TENM3: variants seen among roughly 807,000 people sequenced by gnomAD.
TENM3 encodes teneurin-3.
TENM3 carries 63 observed loss-of-function variants against 255.1 expected under a neutral mutation model. That is an observed-to-expected ratio of 0.25 (90% confidence interval 0.20 to 0.30). TENM3 has a LOEUF of 0.30. TENM3 is among the 10% of genes least tolerant of loss of function. The pLI is 1.00. For missense variants in TENM3, 2,929 were observed against 3,461.1 expected, an observed-to-expected ratio of 0.85 and a Z score of 3.86; for synonymous variants, 1,306 against 1,322.3, an observed-to-expected ratio of 0.99 and a Z score of 0.27.
the TENM3 span, among the ~76,000 whole-genome samples, chr4:182,051,598 C>T: frequency 6.6e-6 from 1 of 151,962 alleles, no homozygotes; most frequent in Non-Finnish European, 1.5e-5. Context: ...AAGATGGTCT[C>T]GATCTCCTGA....
At chr4:181,549,600 T>C in the TENM3 span, among the ~76,000 whole-genome samples, 2 of 152,204 alleles carry the variant, frequency 1.3e-5, no homozygotes, top group African/African-American at 4.8e-5. Context: ...ATGGATCATA[T>C]GGTATATTCT....
the TENM3 span, among the ~76,000 whole-genome samples, chr4:181,767,070 G>A: frequency 2.3e-5 from 3 of 128,016 alleles, no homozygotes; most frequent in Admixed American, 9.4e-5. Flanking sequence ...GGCTAACAAG[G>A]GGAAATCCCG....
chr4:182,412,748 G>T (rs138196036), intron 3 of TENM3, among the ~76,000 whole-genome samples: 1 of 151,338 alleles, frequency 6.6e-6, no homozygotes. Flanking sequence ...ACCTGTAGTC[G>T]CAGCTACTCG....
the TENM3 span, among the ~76,000 whole-genome samples, chr4:181,561,225 A>T: frequency 6.6e-6 from 1 of 152,194 alleles, no homozygotes; most frequent in Non-Finnish European, 1.5e-5. Context: ...AAGTGTTGGG[A>T]TTACAGGTGT....
At chr4:182,049,968 TA>T in the TENM3 span, among the ~76,000 whole-genome samples, 4 of 150,046 alleles carry the variant, frequency 2.7e-5, no homozygotes, top group Non-Finnish European at 5.9e-5. Context: ...AGGGCACGTT[TA>T]AAAAATATGT....
chr4:181,628,119 G>T, the TENM3 span, among the ~76,000 whole-genome samples: 1 of 152,132 alleles, frequency 6.6e-6, no homozygotes, highest in African/African-American at 2.4e-5. Flanking sequence ...GTGTCTTTTG[G>T]CTGCATAAAT....
At chr4:182,003,674 G>A in the TENM3 span, among the ~76,000 whole-genome samples, 1 of 152,000 alleles carries the variant, frequency 6.6e-6, no homozygotes, top group Non-Finnish European at 1.5e-5. Flanking sequence ...ACTGACAAGG[G>A]AAATTATATC....
Position 182,789,396 on chromosome 4 carries a change from C to T in TENM3, c.5601+7C>T. 1 of 1,605,490 alleles carries T rather than the reference C, an allele frequency of 6.2e-7. No individual in the cohort carries two copies. The highest frequency in any genetic ancestry group is 1.1e-5 in the South Asian group (1 of 90,152). ...TTACACATATTTAGAAAAGGTATGC[C>T]TGCAAACTAAGCTCAACAATAGGGA... On this transcript the variant is annotated splice_region_variant and intron_variant, in intron 25 of 27. Coordinates refer to ENST00000511685, the MANE Select transcript of TENM3 (RefSeq NM_001080477.4). This position sits in a 1 kb window ranked among gnomAD's most constrained non-coding sequence, Gnocchi z 4.4.
chr4:181,594,575 A>T, the TENM3 span, among the ~76,000 whole-genome samples: 2 of 152,104 alleles, frequency 1.3e-5, no homozygotes, highest in Non-Finnish European at 2.9e-5. Context: ...CAATATCAAG[A>T]ACTCCAAACT....
At chr4:182,172,815 T>A (rs1253811265) in intron 1 of TENM3, among the ~76,000 whole-genome samples, 1 of 152,212 alleles carries the variant, frequency 6.6e-6, no homozygotes, top group Non-Finnish European at 1.5e-5. Context: ...GTGGTAAAGA[T>A]CTTGTATTAA....
chr4:182,356,180 A>T (rs1326609489), intron 3 of TENM3, among the ~76,000 whole-genome samples: 8 of 152,122 alleles, frequency 5.3e-5, no homozygotes, highest in Admixed American at 5.2e-4. Context: ...CAAAAGAGAC[A>T]TACTGTGATC....
At chr4:182,481,923 A>T (rs1210577427) in intron 3 of TENM3, among the ~76,000 whole-genome samples, 1 of 152,140 alleles carries the variant, frequency 6.6e-6, no homozygotes, top group Non-Finnish European at 1.5e-5. Flanking sequence ...ACTTTCTTTC[A>T]TTTCTGGTTA....
chr4:182,708,809 A>AG (rs1758512348), intron 12 of TENM3, among the ~76,000 whole-genome samples: 1 of 151,936 alleles, frequency 6.6e-6, no homozygotes, highest in East Asian at 1.9e-4. Context: ...AAAAAAAAAA[A>AG]AAAAAGATGT....
At chr4:182,038,893 C>T in the TENM3 span, among the ~76,000 whole-genome samples, 82,410 of 151,824 alleles carry the variant, frequency 0.54, 26,765 homozygotes, top group East Asian at 0.74. Flanking sequence ...GCCACCATGC[C>T]TGGCTAATTT....
chr4:182,695,117 A>G (rs1441425814), intron 12 of TENM3, among the ~76,000 whole-genome samples: 1 of 152,198 alleles, frequency 6.6e-6, no homozygotes, highest in Non-Finnish European at 1.5e-5. Flanking sequence ...TTCCAATAAC[A>G]GTGGATATGG....
rs28655710 is a variant in TENM3, at chr4:182,571,873, C to T, written c.512-29051C>T. ...AAAAACCAAAGACCACTGTGGCACA[C>T]AGCAATTAGGAATGATAAAACTGTT... is the stretch of plus-strand genomic sequence containing the variant. On this transcript the variant is annotated intron_variant, in intron 3 of 27. Coordinates refer to ENST00000511685, the MANE Select transcript of TENM3 (RefSeq NM_001080477.4). Among the ~76,000 whole-genome samples the T allele has an allele frequency of 4.6e-3, 705 of 152,220 alleles. 6 individuals are homozygous for T. Among genetic ancestry groups the T allele is most frequent in the African/African-American group, 0.015 (628 of 41,530 alleles).
the TENM3 span, among the ~76,000 whole-genome samples, chr4:181,847,960 T>C: frequency 2.0e-5 from 3 of 152,202 alleles, no homozygotes; most frequent in African/African-American, 7.2e-5. Context: ...TCCTTGTTTA[T>C]ACAAGAAATA....
chr4:181,785,007 C>G, the TENM3 span, among the ~76,000 whole-genome samples: 5 of 152,072 alleles, frequency 3.3e-5, no homozygotes, highest in African/African-American at 1.2e-4. Context: ...ATTCCTAACT[C>G]TTCATGACAA....
chr4:181,682,679 T>C, the TENM3 span, among the ~76,000 whole-genome samples: 1 of 152,102 alleles, frequency 6.6e-6, no homozygotes, highest in African/African-American at 2.4e-5. Flanking sequence ...CCTTGGTAGA[T>C]TGGAAGAGTG....
Sources: allele counts gnomAD v4.1 joint callset (sites outside exome capture counted in the v4.1 genomes callset), GRCh38; gene constraint gnomAD v4.1.1; non-coding constraint Gnocchi (gnomAD v3.1); transcripts MANE v1.5; gene names NCBI Gene and HGNC (gene_info 2026-07-23, HGNC 2026-07-21).